The following FKBP1A variants were observed in gnomAD, a reference collection of about 807,000 sequenced individuals.
FKBP1A encodes the protein FKBP prolyl isomerase 1A, also known as peptidyl-prolyl cis-trans isomerase FKBP1A.
Under a neutral mutation model 14.2 loss-of-function variants are expected in FKBP1A, and 5 were observed. That is an observed-to-expected ratio of 0.35 (90% confidence interval 0.18 to 0.74). The LOEUF (loss-of-function observed/expected upper bound fraction) is 0.74, where lower values mean the gene tolerates loss of function less well. Among genes scored for constraint, FKBP1A ranks in the 30% least tolerant of loss-of-function variants. The pLI, the probability that FKBP1A is intolerant of heterozygous loss-of-function variation, is 0.56. For synonymous variants in FKBP1A, 42 were observed against 49.1 expected, an observed-to-expected ratio of 0.86 and a Z score of 0.60; for missense variants, 53 against 138.8, an observed-to-expected ratio of 0.38 and a Z score of 3.10.
rs1389746616 is a variant in FKBP1A, at chr20:1,392,865, C to G, written c.54G>C (p.Lys18Asn). ...ISPGDGRTFP[K>N]RGQTCVVHYT... ...AGTGCACCACGCAGGTCTGGCCGCG[C>G]TTGGGGAAGGTGCGCCCTGAGGAGA... The change falls in exon 2 of 5, where the codon AAG becomes AAC. Residue 18 changes from lysine to asparagine, a missense_variant. Coordinates refer to ENST00000400137, the MANE Select transcript of FKBP1A (RefSeq NM_000801.5). 1 of 1,495,190 alleles carries G rather than the reference C, an allele frequency of 6.7e-7. No homozygotes were observed. The highest frequency in any genetic ancestry group is 9.0e-7 in the Non-Finnish European group (1 of 1,116,232). 92.6% of individuals were successfully genotyped at this position (1,495,190 alleles called of 1,614,324 possible).
chr20:1,375,791 G>GC (rs2089533358), intron 2 of FKBP1A, among the ~76,000 whole-genome samples, 188 bp from the exon 3 acceptor site: 2 of 152,042 alleles, frequency 1.3e-5, no homozygotes, highest in Non-Finnish European at 2.9e-5. Flanking sequence ...CCAGACCTGT[G>GC]AATGCTCTTC....
At chr20:1,372,538 G>GT (rs2089481117) in intron 3 of FKBP1A, among the ~76,000 whole-genome samples, 1 of 152,122 alleles carries the variant, frequency 6.6e-6, no homozygotes, top group African/African-American at 2.4e-5. Context: ...TGCTAGGCAG[G>GT]TAACATTCCA....
intron 2 of FKBP1A, among the ~76,000 whole-genome samples, chr20:1,389,190 A>C (rs1446576181): frequency 6.6e-6 from 1 of 152,188 alleles, no homozygotes; most frequent in African/African-American, 2.4e-5. Flanking sequence ...TCATAAGCAA[A>C]GCCCCACCAG....
chr20:1,388,901 AC>A (rs1600340536), intron 2 of FKBP1A, among the ~76,000 whole-genome samples: 2 of 151,888 alleles, frequency 1.3e-5, no homozygotes, highest in Non-Finnish European at 2.9e-5. Flanking sequence ...TGTTCCTCTA[AC>A]GCACCGGTCT....
intron 2 of FKBP1A, among the ~76,000 whole-genome samples, chr20:1,390,615 T>C (rs563916159): frequency 1.1e-3 from 166 of 152,188 alleles, no homozygotes; most frequent in African/African-American, 3.8e-3. Context: ...CTGATCATGT[T>C]CCCCCAAGAT....
At chr20:1,383,462 G>C (rs1373378621) in intron 2 of FKBP1A, among the ~76,000 whole-genome samples, 6 of 152,004 alleles carry the variant, frequency 3.9e-5, no homozygotes, top group Admixed American at 2.0e-4. Flanking sequence ...ACAGTTTGGA[G>C]AGGGAAAAGG....
chr20:1,371,696 A>C, intron 4 of FKBP1A: 2 of 990,500 alleles, frequency 2.0e-6, no homozygotes. Flanking sequence ...TAGCTTCTAG[A>C]AACACAGGGT....
chr20:1,375,790 T>TCCAA (rs2089533263), intron 2 of FKBP1A, among the ~76,000 whole-genome samples, 187 bp from the exon 3 acceptor site: 2 of 152,096 alleles, frequency 1.3e-5, no homozygotes, highest in Non-Finnish European at 2.9e-5. Context: ...TCCAGACCTG[T>TCCAA]GAATGCTCTT....
intron 2 of FKBP1A, among the ~76,000 whole-genome samples, chr20:1,392,103 G>A (rs1421792726): frequency 6.6e-6 from 1 of 152,190 alleles, no homozygotes; most frequent in African/African-American, 2.4e-5. Flanking sequence ...TTAAAATGAG[G>A]ACGAGAAAAG....
chr20:1,384,863 C>T (rs551395691), intron 2 of FKBP1A, among the ~76,000 whole-genome samples: 14 of 152,240 alleles, frequency 9.2e-5, no homozygotes, highest in Middle Eastern at 3.4e-3. Flanking sequence ...ATTTCCCATA[C>T]GCAGTATGGA....
At chr20:1,373,118 T>A (rs539490379) in intron 3 of FKBP1A, 29 of 152,346 alleles carry the variant, frequency 1.9e-4, no homozygotes, top group African/African-American at 6.5e-4. Flanking sequence ...CTGTGAAGCG[T>A]CTAGTCCTTG....
intron 2 of FKBP1A, among the ~76,000 whole-genome samples, chr20:1,391,148 A>T (rs6041947): frequency 6.6e-6 from 1 of 152,042 alleles, no homozygotes; most frequent in African/African-American, 2.4e-5. Context: ...TGGGAGTGGG[A>T]CACATGCTGC....
chr20:1,375,033 C>T (rs6033581), intron 3 of FKBP1A, among the ~76,000 whole-genome samples: 17,079 of 152,086 alleles, frequency 0.11, 1,150 homozygotes, highest in African/African-American at 0.17. Flanking sequence ...GATGGGGTTT[C>T]GCCATGTTGG....
intron 2 of FKBP1A, among the ~76,000 whole-genome samples, chr20:1,381,618 G>A (rs1027183970): frequency 2.0e-5 from 3 of 152,094 alleles, no homozygotes; most frequent in Non-Finnish European, 2.9e-5. Flanking sequence ...AGAAAAACTT[G>A]TACACAAATG....
intron 4 of FKBP1A, chr20:1,371,039 C>T (rs1337835994): frequency 9.1e-6 from 9 of 985,288 alleles, no homozygotes; most frequent in Non-Finnish European, 1.1e-5. Flanking sequence ...CACAACAGGA[C>T]CAGGTTACAA....
At chr20:1,376,191 T>A (rs373259382) in intron 2 of FKBP1A, among the ~76,000 whole-genome samples, 1 of 152,162 alleles carries the variant, frequency 6.6e-6, no homozygotes, top group South Asian at 2.1e-4. Flanking sequence ...CTATGGGATG[T>A]GGTAAGAGGA....
At chr20:1,392,712 T>A (rs1282175777) in intron 2 of FKBP1A, 122 bp downstream of exon 2, 4 of 630,216 alleles carry the variant, frequency 6.3e-6, no homozygotes, top group Middle Eastern at 5.2e-4. Context: ...CCTCGGGCCA[T>A]GCGGACCTCG....
chr20:1,392,288 A>C (rs1355134493), intron 2 of FKBP1A, among the ~76,000 whole-genome samples: 3 of 152,160 alleles, frequency 2.0e-5, no homozygotes, highest in Non-Finnish European at 2.9e-5. Context: ...ATGACTTAGG[A>C]AGTGGGATGT....
At chr20:1,370,226 G>T in intron 4 of FKBP1A, 154 bp from the exon 5 acceptor site, 1 of 985,484 alleles carries the variant, frequency 1.0e-6, no homozygotes, top group Non-Finnish European at 1.2e-6. Flanking sequence ...GAGACAGCCA[G>T]AAAGACTTGG....
Sources: gnomAD v4.1 joint callset for allele counts (sites outside exome capture counted in the v4.1 genomes callset) on GRCh38, gnomAD v4.1.1 for gene constraint, MANE v1.5 for transcripts, NCBI Gene and HGNC (gene_info 2026-07-23, HGNC 2026-07-21) for gene names.